MDGA2: variants seen among roughly 807,000 people sequenced by gnomAD.
The protein encoded by MDGA2 is MAM domain containing glycosylphosphatidylinositol anchor 2.
A neutral mutation model predicts 117.8 loss-of-function variants in MDGA2; 40 were observed. The ratio of observed to expected loss-of-function variants is 0.34; its 90% CI spans 0.26 to 0.44. The LOEUF is 0.44. Ranked by LOEUF, MDGA2 falls within the 20% of genes least tolerant of loss-of-function variation. The pLI is 1.00. For missense variants in MDGA2, 1,123 were observed against 1,250.6 expected (o/e 0.90, Z 1.54); for synonymous variants, 452 against 439.0 (o/e 1.03, Z -0.37).
chr14:47,417,778 C>A (rs919490403), intron 1 of MDGA2, among the ~76,000 whole-genome samples: 23 of 152,058 alleles, frequency 1.5e-4, no homozygotes, highest in Non-Finnish European at 2.8e-4. Context: ...GCAGTGGCAC[C>A]ATCACTCACT....
At chr14:47,487,745 C>A (rs1389072936) in intron 1 of MDGA2, among the ~76,000 whole-genome samples, 1 of 152,010 alleles carries the variant, frequency 6.6e-6, no homozygotes, top group East Asian at 1.9e-4. Flanking sequence ...ATGCATAATA[C>A]CTCCTTGTTG....
intron 1 of MDGA2, among the ~76,000 whole-genome samples, chr14:47,625,251 T>A (rs1281307611): frequency 6.6e-6 from 1 of 152,008 alleles, no homozygotes; most frequent in Admixed American, 6.6e-5. Context: ...ACTTCTTAGA[T>A]CTGCAGTGAG....
At chr14:46,897,915 T>C (rs1031021611) in intron 10 of MDGA2, among the ~76,000 whole-genome samples, 4 of 151,944 alleles carry the variant, frequency 2.6e-5, no homozygotes, top group Non-Finnish European at 5.9e-5. Context: ...AAATGATAGA[T>C]AGATCCTAAT....
chr14:47,026,929 G>A (rs1231390213), intron 8 of MDGA2, among the ~76,000 whole-genome samples: 1 of 152,020 alleles, frequency 6.6e-6, no homozygotes, highest in Non-Finnish European at 1.5e-5. Flanking sequence ...CCCAGCACTT[G>A]GGAAAGCTGA....
At chr14:47,219,506 C>T (rs1159054321) in intron 2 of MDGA2, among the ~76,000 whole-genome samples, 1 of 151,644 alleles carries the variant, frequency 6.6e-6, no homozygotes, top group Non-Finnish European at 1.5e-5. Context: ...ACTGACATAC[C>T]CATAAGAAGA....
rs78263754 is a variant in MDGA2 at position 47,233,380 on chromosome 14, G to A, written c.421-15185C>T. On this transcript the variant is annotated intron_variant, in intron 2 of 16. Transcript: ENST00000399232. The stretch of plus-strand genomic sequence containing the variant: ...AAAATCTATGTCAAAATTACAATGC[G>A]TATGATAAAGATTTGGTCGTCTCTC... Among the ~76,000 whole-genome samples the A allele has an allele frequency of 6.8e-4, 103 of 152,040 alleles. 3 individuals are homozygous for A. The highest frequency in any genetic ancestry group is 2.1e-4 in the Non-Finnish European group (14 of 67,962).
chr14:47,574,360 C>A (rs897851523), intron 1 of MDGA2, among the ~76,000 whole-genome samples: 7 of 152,206 alleles, frequency 4.6e-5, no homozygotes, highest in Non-Finnish European at 8.8e-5. Context: ...CATCTTTCCT[C>A]TCCTGGGTTC....
chr14:47,369,238 A>G (rs1891293400), intron 1 of MDGA2, among the ~76,000 whole-genome samples: 2 of 144,860 alleles, frequency 1.4e-5, no homozygotes, highest in Non-Finnish European at 1.5e-5. Flanking sequence ...ATTTAAAACA[A>G]TGACATATCC....
intron 9 of MDGA2, among the ~76,000 whole-genome samples, chr14:46,945,312 A>G (rs190047916): frequency 2.0e-5 from 3 of 152,210 alleles, no homozygotes; most frequent in African/African-American, 4.8e-5. Flanking sequence ...AGTACCTAGA[A>G]TAAGTCTTTA....
intron 8 of MDGA2, among the ~76,000 whole-genome samples, chr14:46,977,313 A>G (rs1886501267): frequency 2.0e-5 from 3 of 151,816 alleles, no homozygotes; most frequent in African/African-American, 7.2e-5. Context: ...TATGAATGGG[A>G]GGGGTTGAAA....
intron 1 of MDGA2, among the ~76,000 whole-genome samples, chr14:47,543,982 T>C (rs968731001): frequency 1.3e-5 from 2 of 152,224 alleles, no homozygotes; most frequent in Admixed American, 1.3e-4. Flanking sequence ...CTTTCCATTA[T>C]ATTTACTAGG....
intron 1 of MDGA2, among the ~76,000 whole-genome samples, chr14:47,500,586 G>C (rs1463947308): frequency 2.0e-5 from 3 of 151,998 alleles, no homozygotes; most frequent in African/African-American, 7.2e-5. Context: ...AGATGAACCT[G>C]GGGCATGTGC....
chr14:47,361,250 C>CA (rs66541734), intron 1 of MDGA2, among the ~76,000 whole-genome samples: 149,474 of 150,400 alleles, frequency 0.99, 74,288 homozygotes, highest in Non-Finnish European at 1. Flanking sequence ...TTACAACACA[C>CA]AAATAAACAT....
chr14:46,998,282 A>G (rs2138468666), intron 8 of MDGA2, among the ~76,000 whole-genome samples: 1 of 152,208 alleles, frequency 6.6e-6, no homozygotes, highest in South Asian at 2.1e-4. Context: ...AGTCTCTATA[A>G]AAACAGATGA....
chr14:47,058,297 T>TA (rs1889757091), intron 7 of MDGA2, among the ~76,000 whole-genome samples: 1 of 152,170 alleles, frequency 6.6e-6, no homozygotes. Context: ...TAAAATGCCT[T>TA]ATATTTAACA....
rs147497758 is a variant in MDGA2, at chr14:47,667,064, C to T, written c.280+7453G>A. Among the ~76,000 whole-genome samples, 964 of 152,280 alleles carry T rather than the reference C, an allele frequency of 6.3e-3. 11 individuals carry two copies. Among genetic ancestry groups the T allele is most frequent in the African/African-American group, 0.021 (880 of 41,568 alleles). ...ACTGTAACATCACCGCAAGGGTCCG[C>T]GGCTTCATTCTTGAAGTCAGTGAAA... On this transcript the variant is annotated intron_variant, in intron 1 of 16. Coordinates refer to ENST00000399232, the MANE Select transcript of MDGA2 (RefSeq NM_001113498.3).
chr14:47,313,497 T>C (rs1208449444), intron 1 of MDGA2, among the ~76,000 whole-genome samples: 1 of 151,990 alleles, frequency 6.6e-6, no homozygotes, highest in Non-Finnish European at 1.5e-5. Context: ...GGTCTCATTG[T>C]TATTACCCAG....
chr14:46,887,540 C>T (rs945758203), intron 10 of MDGA2, among the ~76,000 whole-genome samples: 2 of 151,890 alleles, frequency 1.3e-5, no homozygotes, highest in Non-Finnish European at 2.9e-5. Context: ...TAACTGGCCT[C>T]CAAGGAGTAC....
intron 5 of MDGA2, among the ~76,000 whole-genome samples, chr14:47,100,307 A>G (rs889195805): frequency 6.6e-6 from 1 of 152,024 alleles, no homozygotes; most frequent in African/African-American, 2.4e-5. Flanking sequence ...AAACTGCCCA[A>G]CCACCCTCAT....
Sources: gnomAD v4.1 joint callset for allele counts (sites outside exome capture counted in the v4.1 genomes callset) on GRCh38, gnomAD v4.1.1 for gene constraint, MANE v1.5 for transcripts, NCBI Gene and HGNC (gene_info 2026-07-23, HGNC 2026-07-21) for gene names.